Variants in NOTCH1 observed in about 807,000 individuals in gnomAD.
The protein encoded by NOTCH1 is notch receptor 1.
In NOTCH1, 37 loss-of-function variants were observed where a neutral mutation model predicts 254.8. That is an observed-to-expected ratio of 0.15 (90% CI 0.11 to 0.19). The LOEUF is 0.19. NOTCH1 is among the 10% of genes least tolerant of loss of function. The probability of loss-of-function intolerance (pLI) is 1.00; values close to 1 mark genes in which losing one functional copy is unlikely to be tolerated. For missense variants in NOTCH1, 2,972 were observed against 3,708.6 expected, an observed-to-expected ratio of 0.80 and a Z score of 5.16; for synonymous variants, 1,731 against 1,618.1, an observed-to-expected ratio of 1.07 and a Z score of -1.68.
intron 31 of NOTCH1, among the ~76,000 whole-genome samples, 186 bp from the exon 32 acceptor site, chr9:136,499,445 G>A (rs1408314132): frequency 6.6e-6 from 1 of 152,244 alleles, no homozygotes; most frequent in Non-Finnish European, 1.5e-5. Flanking sequence ...CCGGATGGGG[G>A]CAGGGGCTGT....
At position 136,519,456 on chromosome 9, in the gene NOTCH1, C is replaced by T. The variant is rs2229975; in HGVS notation, c.852G>A (p.Pro284=). 0.14 allele frequency: 221,140 copies of T among 1,612,772 alleles called. 16,514 individuals are homozygous for T. The highest frequency in any genetic ancestry group is 0.25 in the South Asian group (22,883 of 91,088). The change falls in exon 5 of 34, where the codon CCG becomes CCA. Residue 284 remains proline, a synonymous_variant. Coordinates refer to ENST00000651671, the MANE Select transcript of NOTCH1 (RefSeq NM_017617.5). ...CCGTATACGCGCCTGTCCACTCTGG[C>T]GGGCAGCGGCAGTTGTAGGTGTTCA... ...DGVNTYNCRC[P]PEWTGQYCTE...
intron 5 of NOTCH1, among the ~76,000 whole-genome samples, 188 bp from the exon 6 acceptor site, chr9:136,519,012 G>A (rs1004872274): frequency 1.3e-5 from 2 of 152,198 alleles, no homozygotes; most frequent in African/African-American, 4.8e-5. Flanking sequence ...TCCTCTTTGT[G>A]CTCTGTGGAC....
intron 2 of NOTCH1, among the ~76,000 whole-genome samples, chr9:136,535,562 G>GGGA (rs1286838232): frequency 1.4e-4 from 10 of 72,882 alleles, no homozygotes; most frequent in Non-Finnish European, 1.9e-4. Context: ...ATGGGTGCAT[G>GGGA]GTGGGTGGAG....
intron 21 of NOTCH1, 96 bp from the exon 22 acceptor site, chr9:136,507,533 G>C: frequency 6.6e-7 from 1 of 1,511,510 alleles, no homozygotes; most frequent in Non-Finnish European, 9.0e-7. Flanking sequence ...GGCCACATGA[G>C]CTGCCCTCAG....
chr9:136,513,640 C>T lies in NOTCH1; in HGVS notation c.2208-103G>A. The T allele has an allele frequency of 4.5e-6, 6 of 1,345,754 alleles. No individual in the cohort carries two copies. The highest frequency in any genetic ancestry group is 6.2e-6 in the Non-Finnish European group (6 of 963,584). The allele number at this position is 1,345,754 out of a possible 1,614,324, so 83.4% of individuals were successfully genotyped here. On this transcript the variant is annotated intron_variant, in intron 13 of 33. Transcript: ENST00000651671. This position sits in a 1 kb window ranked among gnomAD's most constrained non-coding sequence, Gnocchi z 4.7. ...TGCCCTATGGGCTGGCGGAGGTGCCCATCCACTCAGACTCGCAGAGTCCTT... is the reference window on the plus strand; with the variant it reads ...TGCCCTATGGGCTGGCGGAGGTGCCTATCCACTCAGACTCGCAGAGTCCTT...
intron 2 of NOTCH1, chr9:136,543,113 C>T (rs960503923): frequency 6.4e-6 from 1 of 157,186 alleles, no homozygotes; most frequent in African/African-American, 2.4e-5. Flanking sequence ...ACATGAGTTC[C>T]ACCTTCTCTT....
At chr9:136,503,378 C>A (rs1204938204) in intron 26 of NOTCH1, 48 bp from the exon 27 acceptor site, 1 of 1,611,294 alleles carries the variant, frequency 6.2e-7, no homozygotes, top group East Asian at 2.2e-5. Context: ...TTCCTCCTCC[C>A]CCGCCCACCG....
At position 136,540,846 on chromosome 9, in the gene NOTCH1, C is replaced by G. The variant is rs911121933; in HGVS notation, c.140+3178G>C. ...GCCATTCTGACTCTGCCGTCAGCAGCCAACATCTTAGCTGCCCCCTGCCTC... is the reference window on the plus strand; with the variant it reads ...GCCATTCTGACTCTGCCGTCAGCAGGCAACATCTTAGCTGCCCCCTGCCTC... On this transcript the variant is annotated intron_variant, in intron 2 of 33. Transcript: ENST00000651671. The surrounding 1 kb of genome is among the most constrained non-coding windows in gnomAD (Gnocchi z 4.4). 6.6e-6 allele frequency among the ~76,000 whole-genome samples: 1 copy of G among 152,294 alleles called. No individual in the cohort carries two copies. The highest frequency in any genetic ancestry group is 1.9e-4 in the East Asian group (1 of 5,184).
rs894010581 is a variant in NOTCH1, at chr9:136,540,677, C to T, written c.140+3347G>A. 3.9e-5 allele frequency among the ~76,000 whole-genome samples: 6 copies of T among 152,084 alleles called. No homozygotes were observed. The highest frequency in any genetic ancestry group is 1.4e-4 in the African/African-American group (6 of 41,416). On this transcript the variant is annotated intron_variant, in intron 2 of 33. Coordinates refer to ENST00000651671, the MANE Select transcript of NOTCH1 (RefSeq NM_017617.5). The surrounding 1 kb of genome is among the most constrained non-coding windows in gnomAD (Gnocchi z 4.4). ...TGCATGACCTGATGACCCAAGGTCA[C>T]AGAGCTAGTGGCCAGGCCAGGCCTC...
intron 26 of NOTCH1, among the ~76,000 whole-genome samples, chr9:136,504,257 G>A (rs940424832): frequency 6.6e-6 from 1 of 152,184 alleles, no homozygotes. Flanking sequence ...GACTGGTCTC[G>A]AACTCCTGGG....
chr9:136,505,979 C>T, intron 24 of NOTCH1, 98 bp from the exon 25 acceptor site: 1 of 1,121,528 alleles, frequency 8.9e-7, no homozygotes. Context: ...CACCGCTCTC[C>T]TCTAACCTGG....
intron 2 of NOTCH1, among the ~76,000 whole-genome samples, chr9:136,524,471 G>A (rs1376136848): frequency 4.6e-5 from 7 of 152,294 alleles, no homozygotes; most frequent in Middle Eastern, 3.4e-3. Context: ...TAGAGCCTCC[G>A]GGTCTGCAGG....
At chr9:136,518,052 C>T (rs1027028730) in intron 7 of NOTCH1, 85 bp downstream of exon 7, 23 of 1,552,062 alleles carry the variant, frequency 1.5e-5, no homozygotes, top group Non-Finnish European at 2.0e-5. Context: ...AACTGGGCAC[C>T]CCCTGAAGCC....
intron 1 of NOTCH1, among the ~76,000 whole-genome samples, chr9:136,544,531 C>G (rs1843782873): frequency 6.6e-6 from 1 of 152,174 alleles, no homozygotes; most frequent in Non-Finnish European, 1.5e-5. Context: ...TCTGTTCAAA[C>G]CCGTTCTGCA....
At position 136,496,129 on chromosome 9, in the gene NOTCH1, G is replaced by A. The variant is rs2133313895; in HGVS notation, c.7610C>T (p.Ser2537Phe). Residue 2537 changes from serine (S) to phenylalanine (F), a missense_variant, in exon 34 of 34, where the codon TCC becomes TTC. Ser to Phe is a radical substitution (Grantham distance 155). Around this residue, in one of 8 missense-constraint regions of NOTCH1, gnomAD observed 85 missense variants for 126.1 expected, o/e 0.67. Coordinates refer to ENST00000651671, the MANE Select transcript of NOTCH1 (RefSeq NM_017617.5). ...GGACTGCATGCTGGTGGGAGGGCTG[G>A]AGACGCCCTCGGACCAGTCGGAGAC... ...SNVSDWSEGV[S>F]SPPTSMQSQI... The A allele has an allele frequency of 2.5e-6, 4 of 1,609,704 alleles. No individual in the cohort carries two copies. The highest frequency in any genetic ancestry group is 1.1e-5 in the South Asian group (1 of 90,132).
At chr9:136,515,818 C>G (rs1843258808) in intron 10 of NOTCH1, 102 bp from the exon 11 acceptor site, 1 of 1,245,068 alleles carries the variant, frequency 8.0e-7, no homozygotes, top group Non-Finnish European at 1.1e-6. Flanking sequence ...GAGGAGGGCT[C>G]CGAGCGTGGC....
rs2133340120 is a variant in NOTCH1, at chr9:136,505,642, G to C, written c.4254C>G (p.Ala1418=). The change falls in exon 25 of 34, where the codon GCC becomes GCG. Residue 1418 remains alanine (A), a synonymous_variant. Coordinates refer to ENST00000651671, the MANE Select transcript of NOTCH1 (RefSeq NM_017617.5). Reference sequence around the variant, plus strand: ...TGTGGCACAAGAGCCCGTTGAATTTGGCGGGGCACAGGCAACGGTAGAAGG... The same window carrying C: ...TGTGGCACAAGAGCCCGTTGAATTTCGCGGGGCACAGGCAACGGTAGAAGG... The part of the protein sequence containing the change: ...ESPFYRCLCP[A]KFNGLLCHIL... 1 of 1,612,278 alleles carries C rather than the reference G, an allele frequency of 6.2e-7. No individual in the cohort carries two copies. The highest frequency in any genetic ancestry group is 8.5e-7 in the Non-Finnish European group (1 of 1,179,630).
chr9:136,529,628 G>C (rs1843526754), intron 2 of NOTCH1, among the ~76,000 whole-genome samples: 1 of 152,228 alleles, frequency 6.6e-6, no homozygotes, highest in Non-Finnish European at 1.5e-5. Flanking sequence ...TAGCAAGGAA[G>C]GCCCCGGGCT....
rs1311864641 is a variant in NOTCH1 at position 136,501,924 on chromosome 9, G to A, written c.5473-11C>T. The A allele has an allele frequency of 1.7e-5, 27 of 1,611,504 alleles. No individual in the cohort carries two copies. Among genetic ancestry groups the A allele is most frequent in the South Asian group, 2.2e-5 (2 of 91,086 alleles). ...CACGGGCTCCTCGAACTACATAGAG[G>A]GAGTGAGCAGAGCCTGTCAGGGCAG... On this transcript the variant is annotated splice_polypyrimidine_tract_variant and intron_variant, in intron 29 of 33. Coordinates refer to ENST00000651671, the MANE Select transcript of NOTCH1 (RefSeq NM_017617.5).
Sources: allele counts gnomAD v4.1 joint callset (sites outside exome capture counted in the v4.1 genomes callset), GRCh38; gene constraint gnomAD v4.1.1; regional missense constraint gnomAD v4.1.1; non-coding constraint Gnocchi (gnomAD v3.1); transcripts MANE v1.5; gene names NCBI Gene and HGNC (gene_info 2026-07-23, HGNC 2026-07-21).